The following POLR3K variants were observed in gnomAD, a reference collection of about 807,000 sequenced individuals.
POLR3K encodes RNA polymerase III subunit K.
POLR3K carries 11 observed loss-of-function variants against 13.5 expected under a neutral mutation model. The ratio of observed to expected loss-of-function variants is 0.81; its 90% CI spans 0.51 to 1.35. The LOEUF is 1.35. POLR3K is among the 40% of genes most tolerant of loss of function. The pLI, the probability that POLR3K is intolerant of heterozygous loss-of-function variation, is 0.00. For synonymous variants in POLR3K, 56 were observed against 51.5 expected (o/e 1.09, Z -0.38); for missense variants, 144 against 145.3 (o/e 0.99, Z 0.05).
In POLR3K at chr16:51,623, T is replaced by G. The variant is rs1897331359; in HGVS notation, c.134A>C (p.Lys45Thr). The G allele has an allele frequency of 1.2e-6, 2 of 1,613,984 alleles. No homozygotes were observed. The highest frequency in any genetic ancestry group is 1.7e-6 in the Non-Finnish European group (2 of 1,179,982). The change falls in exon 2 of 3, where the codon AAA (lysine) becomes ACA (threonine). Residue 45 changes from lysine to threonine, a missense_variant. Transcript: ENST00000293860. The part of the protein sequence containing the change: ...TRKVTNRKYP[K>T]LKEVDDVLGG... ...AAGCACATCATCCACTTCTTTCAGT[T>G]TTGGGTACTTCCGATTTGTTACCTA...
At chr16:48,298 G>C (rs374311032) in intron 2 of POLR3K, among the ~76,000 whole-genome samples, 1 of 152,234 alleles carries the variant, frequency 6.6e-6, no homozygotes, top group African/African-American at 2.4e-5. Flanking sequence ...GTAACACTAA[G>C]GGAATCTGGG....
At chr16:51,106 G>A (rs927450803) in intron 2 of POLR3K, among the ~76,000 whole-genome samples, 1 of 152,168 alleles carries the variant, frequency 6.6e-6, no homozygotes, top group East Asian at 1.9e-4. Flanking sequence ...TGAGATTAGG[G>A]TGGAGACACA....
intron 2 of POLR3K, 91 bp downstream of exon 2, chr16:51,467 T>C: frequency 3.1e-6 from 3 of 959,148 alleles, no homozygotes; most frequent in Non-Finnish European, 4.9e-6. Context: ...ACCTACATCA[T>C]TTATATGACA....
At chr16:53,325 T>G in intron 1 of POLR3K, 151 bp downstream of exon 1, 1 of 1,373,692 alleles carries the variant, frequency 7.3e-7, no homozygotes, top group Non-Finnish European at 9.5e-7. Flanking sequence ...TATTGGAAAG[T>G]AGAGCCCACA....
chr16:51,811 G>T (rs780695881), intron 1 of POLR3K, 166 bp from the exon 2 acceptor site: 1 of 563,618 alleles, frequency 1.8e-6, no homozygotes, highest in Non-Finnish European at 3.2e-6. Flanking sequence ...ACGAGGTCAA[G>T]AGATCGAGAC....
rs202123659 is a variant in POLR3K, at chr16:47,478, G to C, written c.279C>G (p.Thr93=). The change falls in exon 3 of 3, where the codon ACC becomes ACG. Residue 93 remains threonine (T), a synonymous_variant. Coordinates refer to ENST00000293860, the MANE Select transcript of POLR3K (RefSeq NM_016310.5). Reference sequence around the variant, plus strand: ...ACTGAGCATTGCAGCACTTGTAGAAGGTGGTCATCGGCTCATCTGCAGAGC... The same window carrying C: ...ACTGAGCATTGCAGCACTTGTAGAACGTGGTCATCGGCTCATCTGCAGAGC... ...QTRSADEPMT[T]FYKCCNAQCG... The C allele has an allele frequency of 8.1e-6, 13 of 1,613,792 alleles. No individual in the cohort carries two copies. The East Asian group carries it at 2.9e-4, about 36-fold the overall frequency.
At chr16:47,655 G>T in intron 2 of POLR3K, 98 bp from the exon 3 acceptor site, 1 of 1,299,746 alleles carries the variant, frequency 7.7e-7, no homozygotes. Flanking sequence ...GCCAAGGCGG[G>T]CGGATCACCT....
intron 2 of POLR3K, among the ~76,000 whole-genome samples, chr16:49,533 T>G (rs1371023805): frequency 1.3e-5 from 2 of 150,914 alleles, no homozygotes; most frequent in Non-Finnish European, 3.0e-5. Flanking sequence ...TGGAGTGGCA[T>G]GGTCTCGGCT....
Position 50,084 on chromosome 16 carries a change from G to A in POLR3K, c.199+1474C>T, listed in dbSNP as rs540999365. Among the ~76,000 whole-genome samples, 8 of 151,744 alleles carry A rather than the reference G, an allele frequency of 5.3e-5. No individual in the cohort carries two copies. The East Asian group carries it at 7.7e-4, about 15-fold the overall frequency. On this transcript the variant is annotated intron_variant, in intron 2 of 2. Transcript: ENST00000293860. Reference sequence around the variant, plus strand: ...AGCGATTCTCCTGTCTCAGCCTCCCGAGTAGCTGGGATTACAGGTGCTGCC... The same window carrying A: ...AGCGATTCTCCTGTCTCAGCCTCCCAAGTAGCTGGGATTACAGGTGCTGCC...
At chr16:48,335 C>G (rs1172215383) in intron 2 of POLR3K, among the ~76,000 whole-genome samples, 1 of 152,190 alleles carries the variant, frequency 6.6e-6, no homozygotes, top group East Asian at 1.9e-4. Flanking sequence ...CACTCTCCCC[C>G]TCCCCTCCCT....
Position 47,546 on chromosome 16 carries a change from T to C in POLR3K, c.211A>G (p.Lys71Glu). 3 of 1,612,604 alleles carry C rather than the reference T, an allele frequency of 1.9e-6. No homozygotes were observed. Among genetic ancestry groups the C allele is most frequent in the Non-Finnish European group, 2.5e-6 (3 of 1,179,116 alleles). ...AAGTAAGCACGAGGATGTTCGCATT[T>C]GGGACACGACTCTGGCAATGAGAAA... Reference protein sequence around the residue: ...NVDSTAESCPKCEHPRAYFMQ... With the variant: ...NVDSTAESCPECEHPRAYFMQ... The change falls in exon 3 of 3, where the codon AAA (lysine) becomes GAA (glutamate). Residue 71 changes from lysine to glutamate, a missense_variant. Physicochemically the swap from Lys to Glu is moderately conservative, Grantham distance 56 (BLOSUM62 1). Transcript: ENST00000293860.
At chr16:51,490 C>A (rs765532909) in intron 2 of POLR3K, 68 bp downstream of exon 2, 17 of 1,256,140 alleles carry the variant, frequency 1.4e-5, no homozygotes, top group Non-Finnish European at 1.6e-5. Context: ...ATAGACTCTG[C>A]CAAGCAGTGG....
chr16:52,446 CAAAAAAAAAAA>C (rs767411954), intron 1 of POLR3K, among the ~76,000 whole-genome samples: 25 of 74,184 alleles, frequency 3.4e-4, no homozygotes, highest in African/African-American at 9.8e-4. Flanking sequence ...GACTCTGTCT[CAAAAAAAAAAA>C]AAAAAAAAAA....
At chr16:49,643 T>TC in intron 2 of POLR3K, among the ~76,000 whole-genome samples, 1 of 150,216 alleles carries the variant, frequency 6.7e-6, no homozygotes, top group East Asian at 2.0e-4. Flanking sequence ...CTAATTTGTT[T>TC]TTTTTTTTTT....
intron 2 of POLR3K, among the ~76,000 whole-genome samples, chr16:50,099 C>T (rs1033825331): frequency 6.6e-6 from 1 of 152,156 alleles, no homozygotes; most frequent in Non-Finnish European, 1.5e-5. Context: ...GCTGGGATTA[C>T]AGGTGCTGCC....
chr16:50,921 G>A (rs1041998657), intron 2 of POLR3K, among the ~76,000 whole-genome samples: 1 of 152,208 alleles, frequency 6.6e-6, no homozygotes, highest in Non-Finnish European at 1.5e-5. Flanking sequence ...AGAGCAGCAG[G>A]AGACAGAATG....
Position 47,237 on chromosome 16 carries a change from G to T in POLR3K, c.*193C>A. 1.8e-6 allele frequency: 1 copy of T among 557,950 alleles called. No individual in the cohort carries two copies. The highest frequency in any genetic ancestry group is 2.9e-6 in the Non-Finnish European group (1 of 346,736). 34.6% of individuals were successfully genotyped at this position (557,950 alleles called of 1,614,324 possible). A position where few individuals can be genotyped will look rare whatever the true frequency, so the allele number is the denominator to read the frequency against. ...TCCTCCCCACACAGAAAAACTCCCAGACATTCATGACTTCATCCACCCTGC... is the reference window on the plus strand; with the variant it reads ...TCCTCCCCACACAGAAAAACTCCCATACATTCATGACTTCATCCACCCTGC... On this transcript the variant is annotated 3_prime_UTR_variant, in exon 3 of 3. Coordinates refer to ENST00000293860, the MANE Select transcript of POLR3K (RefSeq NM_016310.5).
intron 2 of POLR3K, 35 bp downstream of exon 2, chr16:51,523 C>G: frequency 1.3e-6 from 2 of 1,554,528 alleles, no homozygotes; most frequent in Non-Finnish European, 1.8e-6. Context: ...CATAATTATC[C>G]ACAGTTTAGC....
intron 2 of POLR3K, among the ~76,000 whole-genome samples, chr16:50,205 C>T (rs1047734583): frequency 2.6e-5 from 4 of 151,924 alleles, no homozygotes; most frequent in South Asian, 2.1e-4. Context: ...GTGATCCGCC[C>T]GCCTCGGCCT....
Sources: gnomAD v4.1 joint callset for allele counts (sites outside exome capture counted in the v4.1 genomes callset) on GRCh38, gnomAD v4.1.1 for gene constraint, MANE v1.5 for transcripts, NCBI Gene and HGNC (gene_info 2026-07-23, HGNC 2026-07-21) for gene names.